Variants in ZNF277 observed in about 807,000 individuals in gnomAD.
ZNF277 encodes the protein zinc finger protein 277, also known as nuclear receptor-interacting factor 4.
Under a neutral mutation model 60.7 loss-of-function variants are expected in ZNF277, and 55 were observed. The ratio of observed to expected loss-of-function variants is 0.91; its 90% CI spans 0.73 to 1.13. The LOEUF is 1.13. Ranked by LOEUF, ZNF277 falls within the 50% of genes most tolerant of loss-of-function variation. The pLI is 0.00. For synonymous variants in ZNF277, 178 were observed against 179.3 expected, an observed-to-expected ratio of 0.99 and a Z score of 0.06; for missense variants, 510 against 523.0, an observed-to-expected ratio of 0.98 and a Z score of 0.24.
At chr7:112,321,067 G>GC (rs1465720685) in intron 5 of ZNF277, among the ~76,000 whole-genome samples, 1 of 150,974 alleles carries the variant, frequency 6.6e-6, no homozygotes, top group Non-Finnish European at 1.5e-5. Flanking sequence ...GACTACAGGC[G>GC]CCCGCAACCA....
chr7:112,233,395 T>C (rs548291961), intron 1 of ZNF277, among the ~76,000 whole-genome samples: 6 of 152,326 alleles, frequency 3.9e-5, no homozygotes, highest in African/African-American at 1.4e-4. Flanking sequence ...CAGTCCTACC[T>C]ACACTGTTAG....
chr7:112,323,621 A>G (rs1489197786), intron 5 of ZNF277, among the ~76,000 whole-genome samples: 1 of 152,206 alleles, frequency 6.6e-6, no homozygotes, highest in Non-Finnish European at 1.5e-5. Context: ...AACATCACAA[A>G]GCTCACCATT....
intron 7 of ZNF277, among the ~76,000 whole-genome samples, chr7:112,331,945 C>T (rs2117133095): frequency 6.6e-6 from 1 of 152,300 alleles, no homozygotes; most frequent in East Asian, 1.9e-4. Flanking sequence ...TTAGAGGAGA[C>T]TTCAAGGGAT....
At chr7:112,228,351 G>A (rs978110133) in intron 1 of ZNF277, among the ~76,000 whole-genome samples, 2 of 150,698 alleles carry the variant, frequency 1.3e-5, no homozygotes, top group Admixed American at 6.7e-5. Flanking sequence ...AACCAACTAC[G>A]TCTATTGAAT....
intron 11 of ZNF277, among the ~76,000 whole-genome samples, chr7:112,341,563 G>A (rs778735367): frequency 6.6e-6 from 1 of 152,140 alleles, no homozygotes; most frequent in Non-Finnish European, 1.5e-5. Flanking sequence ...GTCAGAGTTT[G>A]CACACTGCTA....
At chr7:112,256,032 C>CT (rs1791299358) in intron 1 of ZNF277, among the ~76,000 whole-genome samples, 1 of 152,120 alleles carries the variant, frequency 6.6e-6, no homozygotes, top group Non-Finnish European at 1.5e-5. Context: ...GCTACCCATT[C>CT]TTTGAGACTA....
intron 1 of ZNF277, among the ~76,000 whole-genome samples, chr7:112,227,567 A>G (rs1822208401): frequency 6.6e-6 from 1 of 152,192 alleles, no homozygotes; most frequent in South Asian, 2.1e-4. Flanking sequence ...TACACATCCA[A>G]TTAGGTTACA....
chr7:112,224,753 A>G (rs1264492424), intron 1 of ZNF277, among the ~76,000 whole-genome samples: 2 of 152,170 alleles, frequency 1.3e-5, no homozygotes, highest in Admixed American at 1.3e-4. Flanking sequence ...GAACATGACT[A>G]AAATATGGTC....
chr7:112,240,652 AGAAC>A (rs1790925614), intron 1 of ZNF277, among the ~76,000 whole-genome samples: 1 of 152,168 alleles, frequency 6.6e-6, no homozygotes, highest in Admixed American at 6.5e-5. Flanking sequence ...AACAGAATAG[AGAAC>A]CCATAAATAG....
At chr7:112,207,341 G>C (rs1221337502) in intron 1 of ZNF277, among the ~76,000 whole-genome samples, 1 of 152,160 alleles carries the variant, frequency 6.6e-6, no homozygotes, top group African/African-American at 2.4e-5. Flanking sequence ...TGAAGGGAAA[G>C]TGTGTGTATC....
At chr7:112,231,177 G>A (rs555230148) in intron 1 of ZNF277, among the ~76,000 whole-genome samples, 47 of 148,820 alleles carry the variant, frequency 3.2e-4, no homozygotes, top group African/African-American at 1.1e-3. Context: ...TCGCGCCATT[G>A]CACTCCAGCC....
chr7:112,218,295 G>C (rs1821939203), intron 1 of ZNF277, among the ~76,000 whole-genome samples: 1 of 152,212 alleles, frequency 6.6e-6, no homozygotes, highest in South Asian at 2.1e-4. Flanking sequence ...AAGAGTTAAT[G>C]AAGAACCACA....
chr7:112,317,059 C>T (rs991270055), intron 4 of ZNF277, among the ~76,000 whole-genome samples: 1 of 151,962 alleles, frequency 6.6e-6, no homozygotes, highest in African/African-American at 2.4e-5. Flanking sequence ...GAACAGAAAA[C>T]CAAACACCAC....
At chr7:112,251,774 G>A (rs1791204272) in intron 1 of ZNF277, among the ~76,000 whole-genome samples, 1 of 152,174 alleles carries the variant, frequency 6.6e-6, no homozygotes. Context: ...GCAGTGCCAA[G>A]CAAAGGGGAT....
chr7:112,287,322 T>A (rs1041205738), intron 2 of ZNF277: 14 of 493,440 alleles, frequency 2.8e-5, no homozygotes, highest in African/African-American at 2.5e-4. Context: ...CTGCAGTGAG[T>A]TATGGTTATA....
At chr7:112,339,583 T>C (rs1292161633) in intron 9 of ZNF277, among the ~76,000 whole-genome samples, 1 of 152,180 alleles carries the variant, frequency 6.6e-6, no homozygotes, top group African/African-American at 2.4e-5. Context: ...TCTCCCAAAG[T>C]GCTGGGATTA....
chr7:112,259,599 C>T (rs1330260668), intron 1 of ZNF277, among the ~76,000 whole-genome samples: 2 of 151,952 alleles, frequency 1.3e-5, no homozygotes, highest in African/African-American at 4.8e-5. Flanking sequence ...CTTTGCTTTT[C>T]GTAGTTTTGT....
intron 1 of ZNF277, among the ~76,000 whole-genome samples, chr7:112,225,180 A>T (rs1822143703): frequency 6.6e-6 from 1 of 152,162 alleles, no homozygotes; most frequent in Non-Finnish European, 1.5e-5. Context: ...GGCCAAGAAA[A>T]CTGGGTTGAT....
intron 1 of ZNF277, among the ~76,000 whole-genome samples, chr7:112,222,153 T>G (rs1822047682): frequency 6.6e-6 from 1 of 152,226 alleles, no homozygotes; most frequent in African/African-American, 2.4e-5. Flanking sequence ...TTTGTTCTCT[T>G]GAAGTGTCCT....
Sources: gnomAD v4.1 joint callset for allele counts (sites outside exome capture counted in the v4.1 genomes callset) on GRCh38, gnomAD v4.1.1 for gene constraint, MANE v1.5 for transcripts, NCBI Gene and HGNC (gene_info 2026-07-23, HGNC 2026-07-21) for gene names.